Variants in MLLT10 observed in about 807,000 individuals in gnomAD.
MLLT10 encodes MLLT10 histone lysine methyltransferase DOT1L cofactor.
Under a neutral mutation model 129.1 loss-of-function variants are expected in MLLT10, and 30 were observed. That is an observed-to-expected ratio of 0.23 (90% CI 0.17 to 0.32). The LOEUF is 0.32. Ranked by LOEUF, MLLT10 falls within the 10% of genes least tolerant of loss-of-function variation. The probability of loss-of-function intolerance (pLI) is 1.00; values close to 1 mark genes in which losing one functional copy is unlikely to be tolerated. For synonymous variants in MLLT10, 490 were observed against 446.4 expected, an observed-to-expected ratio of 1.10 and a Z score of -1.23; for missense variants, 1,119 against 1,268.3, an observed-to-expected ratio of 0.88 and a Z score of 1.79.
intron 13 of MLLT10, among the ~76,000 whole-genome samples, chr10:21,709,272 C>G: frequency 6.7e-6 from 1 of 148,768 alleles, no homozygotes; most frequent in East Asian, 2.0e-4. Context: ...GAGTCTTGCT[C>G]TGTCGCCCAG....
chr10:21,703,376 TG>T (rs987944829), intron 13 of MLLT10, among the ~76,000 whole-genome samples: 2 of 152,096 alleles, frequency 1.3e-5, no homozygotes, highest in Middle Eastern at 3.4e-3. Flanking sequence ...GTTAGTCTGA[TG>T]GGGGGGTCTT....
At chr10:21,717,501 TCCTCCTCCTCCTCCACCA>T (rs1438367318) in intron 14 of MLLT10, among the ~76,000 whole-genome samples, 11 of 78,764 alleles carry the variant, frequency 1.4e-4, no homozygotes, top group Admixed American at 6.4e-4. Flanking sequence ...CTCCTCCTCC[TCCTCCTCCTCCTCCACCA>T]CCTCCTCCTC....
Position 21,667,803 on chromosome 10 carries a change from G to T in MLLT10, c.796-2646G>T, listed in dbSNP as rs145679897. On this transcript the variant is annotated intron_variant, in intron 9 of 22. Transcript: ENST00000307729. ...TGTTTCTTTGGTTACTTGTTATAGA[G>T]TCATTGTTTAATTTTGGATCTAGTT... Among the ~76,000 whole-genome samples the T allele has an allele frequency of 8.4e-4, 128 of 152,132 alleles. 1 individual carries two copies. The highest frequency in any genetic ancestry group is 2.7e-3 in the Admixed American group (41 of 15,280).
At chr10:21,542,704 C>T (rs193012124) in intron 3 of MLLT10, among the ~76,000 whole-genome samples, 1 of 152,182 alleles carries the variant, frequency 6.6e-6, no homozygotes, top group East Asian at 1.9e-4. Context: ...GCCTGGACAA[C>T]ATAGTGAGAC....
At chr10:21,553,330 T>A (rs2037383021) in intron 3 of MLLT10, among the ~76,000 whole-genome samples, 1 of 151,666 alleles carries the variant, frequency 6.6e-6, no homozygotes, top group African/African-American at 2.4e-5. Context: ...TTCTAATTTT[T>A]TTTTTTTTTT....
At chr10:21,621,501 T>C (rs895253494) in intron 8 of MLLT10, among the ~76,000 whole-genome samples, 7 of 152,194 alleles carry the variant, frequency 4.6e-5, no homozygotes, top group African/African-American at 1.7e-4. Flanking sequence ...CCTCTCGGCC[T>C]CCCAAAGTGC....
chr10:21,622,351 A>G lies in MLLT10; in HGVS notation c.699+5144A>G, dbSNP rs181593349. Among the ~76,000 whole-genome samples, 88 of 146,586 alleles carry G rather than the reference A, an allele frequency of 6.0e-4. 2 individuals are homozygous for G. In the East Asian group the frequency reaches 0.017, roughly 28 times the overall value. On this transcript the variant is annotated intron_variant, in intron 8 of 22. Transcript: ENST00000307729. Reference sequence around the variant, plus strand: ...TTTTTTTTTTTTTTTTTAAATTTGTAGAGACGAGGTCTCCCTATGTTGCCT... The same window carrying G: ...TTTTTTTTTTTTTTTTTAAATTTGTGGAGACGAGGTCTCCCTATGTTGCCT...
chr10:21,573,099 C>G (rs894594949), intron 3 of MLLT10, among the ~76,000 whole-genome samples: 2 of 151,312 alleles, frequency 1.3e-5, no homozygotes, highest in African/African-American at 4.9e-5. Flanking sequence ...AGGTAGATTA[C>G]TTAGATTTTT....
At chr10:21,663,282 A>G (rs1156523546) in intron 9 of MLLT10, among the ~76,000 whole-genome samples, 2 of 151,938 alleles carry the variant, frequency 1.3e-5, no homozygotes, top group African/African-American at 4.8e-5. Context: ...AAAATAGTTC[A>G]GGTTTTCTTT....
chr10:21,550,336 A>G (rs2036796918), intron 3 of MLLT10, among the ~76,000 whole-genome samples: 1 of 152,184 alleles, frequency 6.6e-6, no homozygotes, highest in Non-Finnish European at 1.5e-5. Context: ...TTAGTAGTCC[A>G]GCACATGGTT....
chr10:21,706,766 T>C (rs1247725433), intron 13 of MLLT10, among the ~76,000 whole-genome samples: 1 of 152,216 alleles, frequency 6.6e-6, no homozygotes, highest in African/African-American at 2.4e-5. Flanking sequence ...TGCATTGGCT[T>C]ACTAATAAAA....
At chr10:21,710,183 T>G (rs541016109) in intron 13 of MLLT10, among the ~76,000 whole-genome samples, 2 of 152,350 alleles carry the variant, frequency 1.3e-5, no homozygotes, top group South Asian at 4.1e-4. Flanking sequence ...CTTCTCTTGA[T>G]CATGCTGAGA....
chr10:21,672,499 G>C (rs904091975), intron 10 of MLLT10, among the ~76,000 whole-genome samples: 2 of 152,192 alleles, frequency 1.3e-5, no homozygotes, highest in Non-Finnish European at 2.9e-5. Context: ...AGAGTCGGGG[G>C]TTTCACCATG....
At position 21,575,718 on chromosome 10, in the gene MLLT10, G is replaced by C. The variant is rs185314930; in HGVS notation, c.241-10576G>C. 3.7e-4 allele frequency among the ~76,000 whole-genome samples: 56 copies of C among 152,266 alleles called. 1 individual carries two copies. In the East Asian group the frequency reaches 9.4e-3, roughly 26 times the overall value. ...TTGGTTTGGTTTTGTCAGTCACAAA[G>C]AGGAGTGTTAAAATATCTTACCACG... On this transcript the variant is annotated intron_variant, in intron 3 of 22. Coordinates refer to ENST00000307729, the MANE Select transcript of MLLT10 (RefSeq NM_001195626.3).
intron 4 of MLLT10, among the ~76,000 whole-genome samples, chr10:21,588,899 C>T (rs1240586746): frequency 6.6e-6 from 1 of 151,388 alleles, no homozygotes; most frequent in Admixed American, 6.6e-5. Flanking sequence ...TCTTGGCTCA[C>T]CGCAGCCTCT....
intron 3 of MLLT10, among the ~76,000 whole-genome samples, chr10:21,561,452 G>A (rs1454888218): frequency 3.3e-5 from 5 of 152,118 alleles, no homozygotes; most frequent in Non-Finnish European, 7.3e-5. Context: ...GTAGAGACAG[G>A]GTTTTACCAT....
At chr10:21,667,774 C>A (rs1297282507) in intron 9 of MLLT10, among the ~76,000 whole-genome samples, 2 of 152,104 alleles carry the variant, frequency 1.3e-5, no homozygotes, top group African/African-American at 4.8e-5. Context: ...ATAATCATAG[C>A]TGCTGTTTCT....
At chr10:21,544,963 T>C (rs1208852203) in intron 3 of MLLT10, among the ~76,000 whole-genome samples, 1 of 152,130 alleles carries the variant, frequency 6.6e-6, no homozygotes, top group East Asian at 1.9e-4. Flanking sequence ...CTGACCAACA[T>C]GGAGAAACTC....
At chr10:21,728,778 A>G (rs2057714933) in intron 16 of MLLT10, among the ~76,000 whole-genome samples, 1 of 152,062 alleles carries the variant, frequency 6.6e-6, no homozygotes, top group East Asian at 1.9e-4. Context: ...CTATAATCCC[A>G]GCGCTTTGGG....
Sources: allele counts gnomAD v4.1 joint callset (sites outside exome capture counted in the v4.1 genomes callset), GRCh38; gene constraint gnomAD v4.1.1; transcripts MANE v1.5; gene names NCBI Gene and HGNC (gene_info 2026-07-23, HGNC 2026-07-21).